The following KTN1 variants were observed in gnomAD, a reference collection of about 807,000 sequenced individuals.
KTN1 encodes kinectin 1.
A neutral mutation model predicts 222.5 loss-of-function variants in KTN1; 130 were observed. That is an observed-to-expected ratio of 0.58 (90% confidence interval 0.51 to 0.68). KTN1 has a LOEUF of 0.68. KTN1 is among the 30% of genes least tolerant of loss of function. The pLI is 0.00. For synonymous variants in KTN1, 512 were observed against 496.3 expected (o/e 1.03, Z -0.42); for missense variants, 1,508 against 1,500.4 (o/e 1.01, Z -0.08).
intron 1 of KTN1, among the ~76,000 whole-genome samples, chr14:55,599,577 C>T (rs2035641463): frequency 6.6e-6 from 1 of 152,128 alleles, no homozygotes; most frequent in South Asian, 2.1e-4. Flanking sequence ...AGATTCAAAG[C>T]GATTCTCCTG....
At chr14:55,616,299 G>A (rs2038382923) in intron 2 of KTN1, among the ~76,000 whole-genome samples, 1 of 152,054 alleles carries the variant, frequency 6.6e-6, no homozygotes, top group African/African-American at 2.4e-5. Context: ...AGGCTCAGTA[G>A]GGTTGAAAAT....
chr14:55,678,261 T>C, intron 41 of KTN1, 91 bp from the exon 42 acceptor site: 1 of 808,262 alleles, frequency 1.2e-6, no homozygotes, highest in East Asian at 2.6e-5. Flanking sequence ...TGAGAGGAGC[T>C]TTTATCTTCT....
intron 8 of KTN1, 108 bp downstream of exon 8, chr14:55,633,449 C>T: frequency 3.5e-6 from 2 of 575,666 alleles, no homozygotes; most frequent in Non-Finnish European, 5.8e-6. Flanking sequence ...TGTGTTTTTA[C>T]ATTTGTTTCT....
chr14:55,603,820 C>T (rs1594785903), intron 1 of KTN1, among the ~76,000 whole-genome samples: 1 of 152,184 alleles, frequency 6.6e-6, no homozygotes, highest in Admixed American at 6.5e-5. Context: ...CCACTTTTCC[C>T]CTATCTCAGT....
intron 31 of KTN1, 118 bp from the exon 32 acceptor site, chr14:55,661,404 T>C (rs1234549575): frequency 1.7e-6 from 1 of 591,594 alleles, no homozygotes; most frequent in Non-Finnish European, 3.0e-6. Context: ...TAATGTACTT[T>C]TCAAGGTGCT....
At chr14:55,606,943 T>C (rs1369831103) in intron 1 of KTN1, among the ~76,000 whole-genome samples, 3 of 152,184 alleles carry the variant, frequency 2.0e-5, no homozygotes, top group Non-Finnish European at 4.4e-5. Context: ...TCTTAATTAT[T>C]TTAAATGGTT....
intron 2 of KTN1, among the ~76,000 whole-genome samples, chr14:55,613,487 T>TA (rs2037896591): frequency 6.8e-6 from 1 of 147,638 alleles, no homozygotes; most frequent in African/African-American, 2.5e-5. Context: ...GGAGGTTATA[T>TA]TTGATTTTTT....
intron 2 of KTN1, among the ~76,000 whole-genome samples, chr14:55,613,491 AT>A (rs57451000): frequency 0.26 from 33,272 of 129,086 alleles, 3,163 homozygotes; most frequent in East Asian, 0.34. Context: ...GTTATATTTG[AT>A]TTTTTTTTTT....
intron 21 of KTN1, 117 bp from the exon 22 acceptor site, chr14:55,649,659 G>A (rs938263965): frequency 3.1e-6 from 2 of 641,054 alleles, no homozygotes; most frequent in African/African-American, 3.9e-5. Context: ...AGAATGCCTG[G>A]GCTTTTCCCA....
chr14:55,648,328 G>C (rs1192180800), intron 20 of KTN1, among the ~76,000 whole-genome samples: 2 of 152,158 alleles, frequency 1.3e-5, no homozygotes, highest in Non-Finnish European at 2.9e-5. Context: ...TATTGTTATA[G>C]TTTGTCAGTT....
At chr14:55,659,603 C>A in intron 30 of KTN1, 63 bp from the exon 31 acceptor site, 2 of 960,154 alleles carry the variant, frequency 2.1e-6, no homozygotes, top group Non-Finnish European at 3.3e-6. Flanking sequence ...TTGAGAAAAG[C>A]TTCAATGTTT....
In KTN1 at chr14:55,622,844, G is replaced by A. The variant is rs867624440; in HGVS notation, c.963+3532G>A. ...CCCTTTGGTGTTTTTCTCTTTTGTA[G>A]TTAAAACATAAATCCAGATTCCTTA... is the stretch of plus-strand genomic sequence containing the variant. On this transcript the variant is annotated intron_variant, in intron 5 of 43. Transcript: ENST00000395314. Among the ~76,000 whole-genome samples, 22 of 152,158 alleles carry A rather than the reference G, an allele frequency of 1.4e-4. No individual in the cohort carries two copies. In the Middle Eastern group the frequency reaches 0.01, roughly 71 times the overall value.
chr14:55,672,602 T>C, intron 37 of KTN1, 28 bp from the exon 38 acceptor site: 1 of 1,441,470 alleles, frequency 6.9e-7, no homozygotes. Flanking sequence ...GTGGTTTTAC[T>C]TGGCCATGTA....
At chr14:55,637,483 T>C in intron 11 of KTN1, 119 bp downstream of exon 11, 1 of 790,368 alleles carries the variant, frequency 1.3e-6, no homozygotes, top group Non-Finnish European at 1.9e-6. Flanking sequence ...GATGAATAAT[T>C]ATAACTTTGT....
At position 55,671,780 on chromosome 14, in the gene KTN1, TG is replaced by T. The variant is rs2045475971; in HGVS notation, c.3439-4del. The T allele has an allele frequency of 6.2e-7, 1 of 1,603,206 alleles. No individual in the cohort carries two copies. The highest frequency in any genetic ancestry group is 8.5e-7 in the Non-Finnish European group (1 of 1,170,760). ...TTTTCAAAACAACTATGCTTTTGTC[TG>T]TAGGAAGGAATTTTACAGAAGCTAC... On this transcript the variant is annotated splice_region_variant and splice_polypyrimidine_tract_variant and intron_variant, in intron 36 of 43. Coordinates refer to ENST00000395314, the MANE Select transcript of KTN1 (RefSeq NM_001079521.2).
intron 34 of KTN1, among the ~76,000 whole-genome samples, chr14:55,669,250 C>T (rs866065831): frequency 6.6e-6 from 1 of 151,966 alleles, no homozygotes; most frequent in African/African-American, 2.4e-5. Flanking sequence ...AGCAATACTA[C>T]CCACTCTCAG....
intron 12 of KTN1, among the ~76,000 whole-genome samples, chr14:55,638,727 C>T (rs1281194417): frequency 6.6e-6 from 1 of 151,606 alleles, no homozygotes; most frequent in Non-Finnish European, 1.5e-5. Context: ...AGAAGTAGCT[C>T]TAAAAAATTT....
Position 55,653,520 on chromosome 14 carries a change from T to C in KTN1, c.2764-39T>C, listed in dbSNP as rs530637127. 30 of 1,549,486 alleles carry C rather than the reference T, an allele frequency of 1.9e-5. No homozygotes were observed. In the East Asian group the frequency reaches 6.8e-4, roughly 35 times the overall value. On this transcript the variant is annotated intron_variant, in intron 27 of 43. Transcript: ENST00000395314. ...GTTTTAGCACCTACAACATAACATT[T>C]AATGCTAACAGCATTAAAAATATGA...
chr14:55,630,515 A>G (rs534572545), intron 7 of KTN1, among the ~76,000 whole-genome samples: 2 of 152,112 alleles, frequency 1.3e-5, no homozygotes, highest in Non-Finnish European at 2.9e-5. Context: ...TTCAGTGGGT[A>G]TATTTTGGGA....
Sources: gnomAD v4.1 joint callset for allele counts (sites outside exome capture counted in the v4.1 genomes callset) on GRCh38, gnomAD v4.1.1 for gene constraint, MANE v1.5 for transcripts, NCBI Gene and HGNC (gene_info 2026-07-23, HGNC 2026-07-21) for gene names.